Variants in UBE2W observed in about 807,000 individuals in gnomAD.
The protein encoded by UBE2W is ubiquitin conjugating enzyme E2 W.
UBE2W carries 18 observed loss-of-function variants against 27.2 expected under a neutral mutation model. That is an observed-to-expected ratio of 0.66 (90% confidence interval 0.46 to 0.98). The LOEUF (loss-of-function observed/expected upper bound fraction) is 0.98, where lower values mean the gene tolerates loss of function less well. UBE2W is among the 50% of genes least tolerant of loss of function. The probability of loss-of-function intolerance (pLI) is 0.00; values close to 1 mark genes in which losing one functional copy is unlikely to be tolerated. For missense variants in UBE2W, 90 were observed against 180.2 expected, an observed-to-expected ratio of 0.50 and a Z score of 2.87; for synonymous variants, 53 against 57.2, an observed-to-expected ratio of 0.93 and a Z score of 0.33.
chr8:73,815,578 G>C (rs1809349439), intron 3 of UBE2W, among the ~76,000 whole-genome samples: 1 of 152,132 alleles, frequency 6.6e-6, no homozygotes, highest in African/African-American at 2.4e-5. Context: ...ATGGGTATCA[G>C]GTACCTTTCT....
intron 1 of UBE2W, among the ~76,000 whole-genome samples, chr8:73,877,680 T>C (rs777279798): frequency 2.6e-5 from 4 of 152,184 alleles, no homozygotes; most frequent in Non-Finnish European, 4.4e-5. Flanking sequence ...GGGGATATTA[T>C]GAAAACGCTA....
At chr8:73,865,322 A>G (rs575357990) in intron 1 of UBE2W, among the ~76,000 whole-genome samples, 1 of 152,314 alleles carries the variant, frequency 6.6e-6, no homozygotes, top group East Asian at 1.9e-4. Flanking sequence ...GGTAACCTAA[A>G]CTAATTGTTA....
rs1408824253 is a variant in UBE2W, at chr8:73,790,420, T to C, written c.*3682A>G. The stretch of plus-strand genomic sequence containing the variant: ...GGCATTACTATAACACAGAACAGTA[T>C]AGTAGCTGATTCTGATAATGAATCC... On this transcript the variant is annotated 3_prime_UTR_variant, in exon 6 of 6. Coordinates refer to ENST00000602593, the MANE Select transcript of UBE2W (RefSeq NM_018299.6). 13 of 985,392 alleles carry C rather than the reference T, an allele frequency of 1.3e-5. No individual in the cohort carries two copies. Among genetic ancestry groups the C allele is most frequent in the East Asian group, 1.1e-4 (1 of 8,818 alleles). The allele number at this position is 985,392 out of a possible 1,614,324, so 61.0% of individuals were successfully genotyped here.
At chr8:73,846,295 C>G (rs1810794959) in intron 1 of UBE2W, among the ~76,000 whole-genome samples, 1 of 152,088 alleles carries the variant, frequency 6.6e-6, no homozygotes, top group Non-Finnish European at 1.5e-5. Flanking sequence ...ACTCAGGAGG[C>G]TGAGGCAGGA....
chr8:73,805,464 A>AAAAAAC (rs1808846693), intron 5 of UBE2W, among the ~76,000 whole-genome samples, 187 bp downstream of exon 5: 1 of 124,626 alleles, frequency 8.0e-6, no homozygotes, highest in Non-Finnish European at 1.8e-5. Context: ...CAAAAAAAAA[A>AAAAAAC]AAAAAAACAA....
chr8:73,800,560 G>A (rs903341846), intron 5 of UBE2W, among the ~76,000 whole-genome samples: 3 of 152,106 alleles, frequency 2.0e-5, no homozygotes, highest in East Asian at 1.9e-4. Context: ...TTGGGGGAGC[G>A]GGGAGAGGTG....
chr8:73,828,067 G>T (rs970416856), intron 2 of UBE2W, among the ~76,000 whole-genome samples: 1 of 152,106 alleles, frequency 6.6e-6, no homozygotes, highest in African/African-American at 2.4e-5. Flanking sequence ...AACCATCAGG[G>T]TTTATGATTC....
At chr8:73,806,669 G>A (rs924814943) in intron 4 of UBE2W, among the ~76,000 whole-genome samples, 3 of 152,102 alleles carry the variant, frequency 2.0e-5, no homozygotes, top group African/African-American at 4.8e-5. Context: ...CCGAGATTGC[G>A]CCACTGCACT....
intron 5 of UBE2W, among the ~76,000 whole-genome samples, chr8:73,795,500 C>G (rs994103048): frequency 6.6e-6 from 1 of 152,074 alleles, no homozygotes; most frequent in African/African-American, 2.4e-5. Flanking sequence ...AAACTGTGAG[C>G]CAAATAAACT....
chr8:73,866,282 A>AT (rs1811756629), intron 1 of UBE2W, among the ~76,000 whole-genome samples: 5 of 100,412 alleles, frequency 5.0e-5, no homozygotes, highest in African/African-American at 1.5e-4. Context: ...AAAAAAAAAA[A>AT]AAAAAAAAAT....
intron 1 of UBE2W, chr8:73,870,335 T>A (rs541511226): frequency 1.3e-6 from 2 of 1,559,886 alleles, no homozygotes; most frequent in African/African-American, 2.7e-5. Flanking sequence ...ATGTAACACA[T>A]GGTCATAAAG....
chr8:73,792,375 G>C lies in UBE2W; in HGVS notation c.*1727C>G. The C allele has an allele frequency of 1.0e-6, 1 of 985,058 alleles. No homozygotes were observed. The highest frequency in any genetic ancestry group is 1.2e-6 in the Non-Finnish European group (1 of 829,646). The allele number at this position is 985,058 out of a possible 1,614,324, so 61.0% of individuals were successfully genotyped here. Reference sequence around the variant, plus strand: ...TTTTTTTTTTCAAGTTATTTCTATAGCAGACATATTTTTGAAGTCTACCCA... The same window carrying C: ...TTTTTTTTTTCAAGTTATTTCTATACCAGACATATTTTTGAAGTCTACCCA... On this transcript the variant is annotated 3_prime_UTR_variant, in exon 6 of 6. Coordinates refer to ENST00000602593, the MANE Select transcript of UBE2W (RefSeq NM_018299.6).
At chr8:73,804,766 T>C (rs990909525) in intron 5 of UBE2W, among the ~76,000 whole-genome samples, 6 of 151,860 alleles carry the variant, frequency 4.0e-5, no homozygotes, top group African/African-American at 1.5e-4. Context: ...ATTCCATCAC[T>C]GTCACCCAGG....
intron 3 of UBE2W, among the ~76,000 whole-genome samples, chr8:73,816,413 G>C (rs1285907597): frequency 1.3e-5 from 2 of 152,134 alleles, no homozygotes; most frequent in Non-Finnish European, 2.9e-5. Context: ...AAAGAGGATG[G>C]AAAATCAGAC....
rs534146460 is a variant in UBE2W, at chr8:73,803,769, C to CTTT, written c.442+1879_442+1881dup. On this transcript the variant is annotated intron_variant, in intron 5 of 5. Transcript: ENST00000602593. ...ATTTCTTTGTTTTCTTTTTTCTTTT[C>CTTT]TTTTTTTTTTTTTTTGAGACGGAGG... Among the ~76,000 whole-genome samples, 15 of 128,396 alleles carry CTTT rather than the reference C, an allele frequency of 1.2e-4. No homozygotes were observed. In the South Asian group the frequency reaches 2.5e-3, roughly 21 times the overall value. The allele number at this position is 128,396 out of a possible 152,430, so 84.2% of individuals were successfully genotyped here. A position where few individuals can be genotyped will look rare whatever the true frequency, so the allele number is the denominator to read the frequency against.
intron 1 of UBE2W, among the ~76,000 whole-genome samples, chr8:73,845,026 G>A (rs866358242): frequency 3.4e-5 from 5 of 146,554 alleles, no homozygotes; most frequent in East Asian, 2.1e-4. Flanking sequence ...GGCAGCCCCC[G>A]CCCGGCCAGC....
At position 73,787,011 on chromosome 8, in the gene UBE2W, G is replaced by C; in HGVS notation, c.*7091C>G. ...TATTCACCCACATTAAGTCCCTGAAGGCCAGATACAGACATGAGAAGATAT... is the reference window on the plus strand; with the variant it reads ...TATTCACCCACATTAAGTCCCTGAACGCCAGATACAGACATGAGAAGATAT... On this transcript the variant is annotated 3_prime_UTR_variant, in exon 6 of 6. Coordinates refer to ENST00000602593, the MANE Select transcript of UBE2W (RefSeq NM_018299.6). The C allele has an allele frequency of 1.0e-6, 1 of 985,358 alleles. No homozygotes were observed. Among genetic ancestry groups the C allele is most frequent in the Middle Eastern group, 5.2e-4 (1 of 1,914 alleles). The allele number at this position is 985,358 out of a possible 1,614,324, so 61.0% of individuals were successfully genotyped here. A position where few individuals can be genotyped will look rare whatever the true frequency, so the allele number is the denominator to read the frequency against.
chr8:73,866,291 ATATATATAT>A (rs1177462344), intron 1 of UBE2W, among the ~76,000 whole-genome samples: 5 of 44,698 alleles, frequency 1.1e-4, no homozygotes, highest in Admixed American at 3.1e-4. Context: ...AAAAAAAAAA[ATATATATAT>A]ATATATATAT....
At chr8:73,833,253 A>G (rs1357530492) in intron 1 of UBE2W, among the ~76,000 whole-genome samples, 1 of 147,408 alleles carries the variant, frequency 6.8e-6, no homozygotes, top group Non-Finnish European at 1.5e-5. Flanking sequence ...TTCACAGACA[A>G]GCTTTCCAGA....
Sources: allele counts gnomAD v4.1 joint callset (sites outside exome capture counted in the v4.1 genomes callset), GRCh38; gene constraint gnomAD v4.1.1; transcripts MANE v1.5; gene names NCBI Gene and HGNC (gene_info 2026-07-23, HGNC 2026-07-21).